SV2C: variants seen among roughly 807,000 people sequenced by gnomAD.
SV2C encodes the protein synaptic vesicle glycoprotein 2C.
In SV2C, 49 loss-of-function variants were observed where a neutral mutation model predicts 79.7. That is an observed-to-expected ratio of 0.61 (90% CI 0.49 to 0.78). The LOEUF (loss-of-function observed/expected upper bound fraction) is 0.78, where lower values mean the gene tolerates loss of function less well. SV2C is among the 30% of genes least tolerant of loss of function. The pLI is 0.00. For missense variants in SV2C, 833 were observed against 912.9 expected (o/e 0.91, Z 1.13); for synonymous variants, 334 against 333.2 (o/e 1.00, Z -0.03).
At chr5:76,034,460 G>T in the SV2C span, among the ~76,000 whole-genome samples, 8 of 152,076 alleles carry the variant, frequency 5.3e-5, no homozygotes, top group Admixed American at 1.3e-4. Context: ...TAGCATGAAG[G>T]GTTGTTGAAT....
rs1321391237 is a variant in SV2C, at chr5:76,290,970, A to G, written c.1138-251A>G. ...AGGGAGGGCATTTTGGTTTCACATT[A>G]TTCTATTACTACTTGCCCTTCCCCC... is the stretch of plus-strand genomic sequence containing the variant. On this transcript the variant is annotated intron_variant, in intron 6 of 12. Coordinates refer to ENST00000502798, the MANE Select transcript of SV2C (RefSeq NM_014979.4). Among the ~76,000 whole-genome samples, 6 of 152,154 alleles carry G rather than the reference A, an allele frequency of 3.9e-5. No homozygotes were observed. The East Asian group carries it at 9.6e-4, about 24-fold the overall frequency.
At chr5:75,973,680 C>G in the SV2C span, among the ~76,000 whole-genome samples, 1 of 151,920 alleles carries the variant, frequency 6.6e-6, no homozygotes, top group African/African-American at 2.4e-5. Flanking sequence ...AGGATTATGA[C>G]AGACTATATA....
the SV2C span, among the ~76,000 whole-genome samples, chr5:76,016,188 T>C: frequency 4.3e-5 from 6 of 139,848 alleles, no homozygotes; most frequent in Non-Finnish European, 9.0e-5. Flanking sequence ...CCAGCCATCA[T>C]AGGAATTACA....
At chr5:76,248,427 C>A (rs140022956) in intron 4 of SV2C, among the ~76,000 whole-genome samples, 1 of 152,128 alleles carries the variant, frequency 6.6e-6, no homozygotes, top group Non-Finnish European at 1.5e-5. Context: ...TATAAGGACA[C>A]CAGTCGTATT....
At chr5:76,175,942 G>A (rs1167571382) in intron 2 of SV2C, among the ~76,000 whole-genome samples, 1 of 152,082 alleles carries the variant, frequency 6.6e-6, no homozygotes, top group Non-Finnish European at 1.5e-5. Flanking sequence ...GTTGCAGATG[G>A]TGACAGCATC....
intron 4 of SV2C, among the ~76,000 whole-genome samples, chr5:76,240,103 G>A (rs1404603253): frequency 6.6e-6 from 1 of 152,172 alleles, no homozygotes; most frequent in Non-Finnish European, 1.5e-5. Context: ...GATGAAGAAT[G>A]TGAAAGCAAA....
chr5:75,900,275 T>C, the SV2C span, among the ~76,000 whole-genome samples: 1 of 152,224 alleles, frequency 6.6e-6, no homozygotes, highest in African/African-American at 2.4e-5. Context: ...ACAAAATCTC[T>C]CAGCATTTGC....
At chr5:76,007,013 G>A in the SV2C span, among the ~76,000 whole-genome samples, 9 of 152,238 alleles carry the variant, frequency 5.9e-5, no homozygotes, top group South Asian at 1.7e-3. Context: ...ACTTCACAGT[G>A]TAAGTACTAA....
At chr5:75,872,937 A>G in the SV2C span, among the ~76,000 whole-genome samples, 1 of 152,064 alleles carries the variant, frequency 6.6e-6, no homozygotes, top group Non-Finnish European at 1.5e-5. Context: ...AAGAAAAAGA[A>G]AAATAATAGT....
At chr5:75,945,889 A>G in the SV2C span, among the ~76,000 whole-genome samples, 1 of 152,114 alleles carries the variant, frequency 6.6e-6, no homozygotes, top group South Asian at 2.1e-4. Flanking sequence ...AGCAAAAAAG[A>G]AAACAAAACA....
At chr5:76,121,100 G>C (rs1378982174) in intron 1 of SV2C, among the ~76,000 whole-genome samples, 1 of 150,714 alleles carries the variant, frequency 6.6e-6, no homozygotes, top group Non-Finnish European at 1.5e-5. Flanking sequence ...GTTTTGATTT[G>C]CATTTCTCTG....
the SV2C span, among the ~76,000 whole-genome samples, chr5:75,848,439 G>A: frequency 1.3e-5 from 2 of 152,156 alleles, no homozygotes; most frequent in East Asian, 3.9e-4. Context: ...ACTGCCCTGG[G>A]GAGAAGGATG....
At chr5:76,098,543 T>C (rs1388158272) in intron 1 of SV2C, among the ~76,000 whole-genome samples, 2 of 152,248 alleles carry the variant, frequency 1.3e-5, no homozygotes, top group African/African-American at 4.8e-5. Flanking sequence ...CCTCATTTAT[T>C]GATAAATACA....
the SV2C span, among the ~76,000 whole-genome samples, chr5:75,965,171 G>A: frequency 6.6e-6 from 1 of 152,054 alleles, no homozygotes; most frequent in African/African-American, 2.4e-5. Flanking sequence ...TAAGGGGAAG[G>A]GGCACCATTT....
At chr5:75,970,970 T>A in the SV2C span, among the ~76,000 whole-genome samples, 1 of 152,050 alleles carries the variant, frequency 6.6e-6, no homozygotes, top group African/African-American at 2.4e-5. Flanking sequence ...AAAAAGCTTA[T>A]CCACCATAAT....
chr5:75,855,397 C>A, the SV2C span, among the ~76,000 whole-genome samples: 4 of 152,038 alleles, frequency 2.6e-5, no homozygotes, highest in Non-Finnish European at 5.9e-5. Flanking sequence ...GCTCTACTGA[C>A]TTTTGTGATA....
At chr5:76,151,792 A>G (rs1007066648) in intron 2 of SV2C, among the ~76,000 whole-genome samples, 3 of 143,818 alleles carry the variant, frequency 2.1e-5, no homozygotes, top group Non-Finnish European at 4.7e-5. Flanking sequence ...TGCCCTTAGC[A>G]GAGCCTGGGT....
At chr5:76,052,660 C>T in the SV2C span, among the ~76,000 whole-genome samples, 1 of 152,210 alleles carries the variant, frequency 6.6e-6, no homozygotes, top group Admixed American at 6.5e-5. Flanking sequence ...CATCATGCTG[C>T]TGGCTTCTCA....
chr5:75,902,554 C>T, the SV2C span, among the ~76,000 whole-genome samples: 1 of 152,210 alleles, frequency 6.6e-6, no homozygotes, highest in African/African-American at 2.4e-5. Flanking sequence ...TTGTTCTTAT[C>T]CTTCGGGGTT....
Sources: allele counts gnomAD v4.1 joint callset (sites outside exome capture counted in the v4.1 genomes callset), GRCh38; gene constraint gnomAD v4.1.1; transcripts MANE v1.5; gene names NCBI Gene and HGNC (gene_info 2026-07-23, HGNC 2026-07-21).